SHROOM3: variants seen among roughly 807,000 people sequenced by gnomAD.
SHROOM3 encodes protein Shroom3.
SHROOM3 carries 47 observed loss-of-function variants against 138.6 expected under a neutral mutation model. That is an observed-to-expected ratio of 0.34 (90% confidence interval 0.27 to 0.43). The LOEUF (loss-of-function observed/expected upper bound fraction) is 0.43, where lower values mean the gene tolerates loss of function less well. Among genes scored for constraint, SHROOM3 ranks in the 20% least tolerant of loss-of-function variants. The pLI is 1.00. For synonymous variants in SHROOM3, 1,062 were observed against 1,063.3 expected, an observed-to-expected ratio of 1.00 and a Z score of 0.02; for missense variants, 2,491 against 2,596.5, an observed-to-expected ratio of 0.96 and a Z score of 0.88.
At chr4:76,751,167 T>G (rs756543782) in intron 6 of SHROOM3, among the ~76,000 whole-genome samples, 6 of 152,204 alleles carry the variant, frequency 3.9e-5, no homozygotes, top group Non-Finnish European at 7.4e-5. Flanking sequence ...ACTCTTTTTT[T>G]TCTAAAGGCT....
chr4:76,746,917 C>G (rs867691966), intron 5 of SHROOM3, among the ~76,000 whole-genome samples: 1 of 151,788 alleles, frequency 6.6e-6, no homozygotes, highest in South Asian at 2.1e-4. Context: ...CCCGGGTTCA[C>G]GCCATTCTCC....
At chr4:76,761,059 G>A (rs533496698) in intron 9 of SHROOM3, among the ~76,000 whole-genome samples, 4 of 151,700 alleles carry the variant, frequency 2.6e-5, no homozygotes, top group South Asian at 2.1e-4. Context: ...TTTTAGAATC[G>A]GGGCATAGGC....
intron 1 of SHROOM3, among the ~76,000 whole-genome samples, chr4:76,479,572 G>T (rs924541034): frequency 2.6e-5 from 4 of 152,160 alleles, no homozygotes; most frequent in African/African-American, 9.7e-5. Context: ...ATATTATCCA[G>T]GAGAACTTCC....
chr4:76,688,927 A>T, intron 2 of SHROOM3: 1 of 981,564 alleles, frequency 1.0e-6, no homozygotes, highest in Non-Finnish European at 1.2e-6. Context: ...GGGCATGCTG[A>T]GAAAAAGGAT....
rs766929745 is a variant in SHROOM3 at position 76,741,167 on chromosome 4, C to T, written c.2994C>T (p.Pro998=). 8 of 1,582,114 alleles carry T rather than the reference C, an allele frequency of 5.1e-6. No homozygotes were observed. In the Admixed American group the frequency reaches 1.4e-4, roughly 29 times the overall value. The change falls in exon 5 of 11, where the codon CCC becomes CCT. Residue 998 remains proline (P), a synonymous_variant. Coordinates refer to ENST00000296043, the MANE Select transcript of SHROOM3 (RefSeq NM_020859.4). This position sits in a 1 kb window ranked among gnomAD's most constrained non-coding sequence, Gnocchi z 6.2. ...VTPAEGDLAR[P]VPPAARRGAR... ...CTGCTGAGGGCGACCTGGCCAGGCC[C>T]GTGCCCCCTGCCGCCCGGAGAGGTG...
chr4:76,551,976 C>T (rs1295728844), intron 1 of SHROOM3, among the ~76,000 whole-genome samples: 2 of 149,560 alleles, frequency 1.3e-5, no homozygotes, highest in Non-Finnish European at 3.0e-5. Context: ...ATTCTCCTGC[C>T]TCAGCCTCCC....
rs545920785 is a variant in SHROOM3 at position 76,586,353 on chromosome 4, T to TC, written c.323+30595dup. 367 of 985,596 alleles carry TC rather than the reference T, an allele frequency of 3.7e-4. 2 individuals carry two copies. In the East Asian group the frequency reaches 4.3e-3, roughly 12 times the overall value. The allele number at this position is 985,596 out of a possible 1,614,324, so 61.1% of individuals were successfully genotyped here. On this transcript the variant is annotated intron_variant, in intron 2 of 10. Coordinates refer to ENST00000296043, the MANE Select transcript of SHROOM3 (RefSeq NM_020859.4). The stretch of plus-strand genomic sequence containing the variant: ...GCCAGAACCGTGCCTCTAGGCCACC[T>TC]CCCCCAAGCCACCAAGCCCCCGCGG...
At chr4:76,778,783 T>C (rs1439581314) in intron 10 of SHROOM3, 26 bp from the exon 11 acceptor site, 1 of 1,612,028 alleles carries the variant, frequency 6.2e-7, no homozygotes. Flanking sequence ...CTGGCCTTCA[T>C]TGATCTGTCC....
chr4:76,618,484 A>G, intron 2 of SHROOM3, among the ~76,000 whole-genome samples: 1 of 152,188 alleles, frequency 6.6e-6, no homozygotes, highest in East Asian at 1.9e-4. Context: ...TAAACTTTTT[A>G]TTTGAAAATA....
At chr4:76,732,277 G>A (rs1425436878) in intron 4 of SHROOM3, among the ~76,000 whole-genome samples, 2 of 152,180 alleles carry the variant, frequency 1.3e-5, no homozygotes, top group Admixed American at 1.3e-4. Context: ...TTGGGGGGAG[G>A]AGGGGAGGCT....
At chr4:76,769,678 G>A (rs566548103) in intron 9 of SHROOM3, among the ~76,000 whole-genome samples, 1 of 152,212 alleles carries the variant, frequency 6.6e-6, no homozygotes, top group Admixed American at 6.5e-5. Flanking sequence ...TCTAATGATT[G>A]TACAAGGGTG....
rs549125059 is a variant in SHROOM3, at chr4:76,523,928, G to A, written c.169-31681G>A. Among the ~76,000 whole-genome samples, 12 of 152,308 alleles carry A rather than the reference G, an allele frequency of 7.9e-5. No homozygotes were observed. In the East Asian group the frequency reaches 1.4e-3, roughly 17 times the overall value. The stretch of plus-strand genomic sequence containing the variant: ...CAGGAAGCCTGTCATCCAGGACGCT[G>A]CACCATGAAGACTGGGGGAGCTGTG... On this transcript the variant is annotated intron_variant, in intron 1 of 10. Transcript: ENST00000296043.
rs2110144105 is a variant in SHROOM3 at position 76,755,124 on chromosome 4, T to A, written c.4641T>A (p.Pro1547=). The A allele has an allele frequency of 2.0e-6, 3 of 1,525,368 alleles. No homozygotes were observed. The highest frequency in any genetic ancestry group is 2.7e-6 in the Non-Finnish European group (3 of 1,130,334). The allele number at this position is 1,525,368 out of a possible 1,614,324, so 94.5% of individuals were successfully genotyped here. The change falls in exon 7 of 11, where the codon CCT becomes CCA. Residue 1547 remains proline (P), a synonymous_variant. Transcript: ENST00000296043. ...ETPVYSMDDF[P]PPPPHTVCEA... is the part of the protein sequence containing the mutation. ...CGGTGTATAGCATGGATGACTTCCC[T>A]CCACCTCCTCCCCACACTGTATGTG...
At position 76,436,063 on chromosome 4, in the gene SHROOM3, C is replaced by A. The variant is rs751506162; in HGVS notation, c.11C>A (p.Thr4Asn). 27 of 1,613,882 alleles carry A rather than the reference C, an allele frequency of 1.7e-5. No individual in the cohort carries two copies. In the South Asian group the frequency reaches 3.0e-4, roughly 18 times the overall value. Residue 4 changes from threonine (T) to asparagine (N), a missense_variant, in exon 1 of 11, where the codon ACC (threonine) becomes AAC (asparagine). Physicochemically the swap from Thr to Asn is moderately conservative, Grantham distance 65. Around this residue, in one of 4 missense-constraint regions of SHROOM3, gnomAD observed 284 missense variants for 322.8 expected, o/e 0.88. Coordinates refer to ENST00000296043, the MANE Select transcript of SHROOM3 (RefSeq NM_020859.4). MMR[T>N]TEDFHKPSAT... ...GATCATGTGTTTGGCATGATGAGGA[C>A]CACTGAAGACTTCCACAAGCCTAGT...
intron 1 of SHROOM3, among the ~76,000 whole-genome samples, chr4:76,487,552 A>G (rs1040467239): frequency 6.6e-6 from 1 of 152,172 alleles, no homozygotes; most frequent in Non-Finnish European, 1.5e-5. Flanking sequence ...TATTAATGGT[A>G]TATATCTGGC....
Position 76,683,177 on chromosome 4 carries a change from T to C in SHROOM3, c.324-26979T>C, listed in dbSNP as rs77821773. On this transcript the variant is annotated intron_variant, in intron 2 of 10. Coordinates refer to ENST00000296043, the MANE Select transcript of SHROOM3 (RefSeq NM_020859.4). ...GCCCAAGTTACAGTCAACGTAGTTT[T>C]GCTGAATAGTTTTTTTTTCATAATC... is the stretch of plus-strand genomic sequence containing the variant. Among the ~76,000 whole-genome samples, 1,018 of 152,328 alleles carry C rather than the reference T, an allele frequency of 6.7e-3. 10 individuals carry two copies. Among genetic ancestry groups the C allele is most frequent in the African/African-American group, 0.024 (977 of 41,574 alleles).
At chr4:76,652,878 C>A (rs973331451) in intron 2 of SHROOM3, among the ~76,000 whole-genome samples, 2 of 151,640 alleles carry the variant, frequency 1.3e-5, no homozygotes, top group Non-Finnish European at 2.9e-5. Flanking sequence ...AGCTGGTGAG[C>A]TAATATATGT....
intron 2 of SHROOM3, among the ~76,000 whole-genome samples, chr4:76,557,411 A>G (rs1225828890): frequency 6.6e-6 from 1 of 152,188 alleles, no homozygotes; most frequent in Non-Finnish European, 1.5e-5. Context: ...TGTATAAAAA[A>G]GTCAAACTCA....
intron 6 of SHROOM3, 88 bp downstream of exon 6, chr4:76,749,178 T>A: frequency 7.9e-7 from 1 of 1,261,830 alleles, no homozygotes; most frequent in Non-Finnish European, 1.2e-6. Context: ...AATTGAAATG[T>A]GATGTCATAT....
Sources: allele counts gnomAD v4.1 joint callset (sites outside exome capture counted in the v4.1 genomes callset), GRCh38; gene constraint gnomAD v4.1.1; regional missense constraint gnomAD v4.1.1; non-coding constraint Gnocchi (gnomAD v3.1); transcripts MANE v1.5; gene names NCBI Gene and HGNC (gene_info 2026-07-23, HGNC 2026-07-21).